Variants in ATXN1 observed in about 807,000 individuals in gnomAD.
The protein encoded by ATXN1 is ataxin 1.
A neutral mutation model predicts 56.4 loss-of-function variants in ATXN1; 8 were observed. The observed-to-expected ratio is 0.14, with a 90% confidence interval of 0.08 to 0.26. The LOEUF is 0.26. Ranked by LOEUF, ATXN1 falls within the 10% of genes least tolerant of loss-of-function variation. The probability of loss-of-function intolerance (pLI) is 1.00; values close to 1 mark genes in which losing one functional copy is unlikely to be tolerated. For synonymous variants in ATXN1, 514 were observed against 494.6 expected, an observed-to-expected ratio of 1.04 and a Z score of -0.52; for missense variants, 987 against 1,106.5, an observed-to-expected ratio of 0.89 and a Z score of 1.53.
At chr6:16,611,487 C>T (rs1052750532) in intron 3 of ATXN1, among the ~76,000 whole-genome samples, 2 of 152,090 alleles carry the variant, frequency 1.3e-5, no homozygotes, top group Non-Finnish European at 2.9e-5. Context: ...GGTATTAATT[C>T]GTTTTGAAAA....
intron 6 of ATXN1, among the ~76,000 whole-genome samples, chr6:16,454,801 A>G (rs1759832179): frequency 6.6e-6 from 1 of 152,240 alleles, no homozygotes; most frequent in African/African-American, 2.4e-5. Flanking sequence ...AGACAGCAAA[A>G]CCAAGAAATT....
At chr6:16,471,861 C>T (rs1271828898) in intron 6 of ATXN1, among the ~76,000 whole-genome samples, 2 of 152,148 alleles carry the variant, frequency 1.3e-5, no homozygotes, top group Non-Finnish European at 1.5e-5. Flanking sequence ...CATCAATCTC[C>T]GCACCATCTG....
At chr6:16,394,201 A>G (rs942851423) in intron 6 of ATXN1, among the ~76,000 whole-genome samples, 4 of 151,790 alleles carry the variant, frequency 2.6e-5, no homozygotes, top group African/African-American at 9.7e-5. Context: ...GGCAACCCTC[A>G]CCTCAACCTG....
Position 16,328,971 on chromosome 6 carries a change from C to T in ATXN1, c.-160-501G>A, listed in dbSNP as rs1031208102. 2.6e-5 allele frequency among the ~76,000 whole-genome samples: 4 copies of T among 152,008 alleles called. No individual in the cohort carries two copies. Among genetic ancestry groups the T allele is most frequent in the South Asian group, 2.1e-4 (1 of 4,818 alleles). ...CAACAACAAAAACAAAAACACTAGC[C>T]GTGGCAGCTGCACATTATAAAGGAA... is the stretch of plus-strand genomic sequence containing the variant. On this transcript the variant is annotated intron_variant, in intron 6 of 7. Coordinates refer to ENST00000436367, the MANE Select transcript of ATXN1 (RefSeq NM_001128164.2). This position sits in a 1 kb window ranked among gnomAD's most constrained non-coding sequence, Gnocchi z 6.2.
At position 16,378,629 on chromosome 6, in the gene ATXN1, G is replaced by A. The variant is rs12527059; in HGVS notation, c.-160-50159C>T. Among the ~76,000 whole-genome samples, 1,267 of 152,028 alleles carry A rather than the reference G, an allele frequency of 8.3e-3. 24 individuals carry two copies. Among genetic ancestry groups the A allele is most frequent in the East Asian group, 0.072 (372 of 5,178 alleles). On this transcript the variant is annotated intron_variant, in intron 6 of 7. Transcript: ENST00000436367. ...GGCTGGAGTGCAGTGGTGCAATCAC[G>A]GCTCACCGCAGCCTTGACTGCCCTG...
At chr6:16,355,716 C>A (rs925059860) in intron 6 of ATXN1, among the ~76,000 whole-genome samples, 3 of 152,210 alleles carry the variant, frequency 2.0e-5, no homozygotes, top group Non-Finnish European at 4.4e-5. Context: ...CATGCGCCAC[C>A]ACGCCCGGCT....
intron 6 of ATXN1, among the ~76,000 whole-genome samples, chr6:16,372,528 T>C (rs998848373): frequency 1.1e-4 from 16 of 152,340 alleles, no homozygotes; most frequent in African/African-American, 3.4e-4. Context: ...TTGGTAATGG[T>C]TGGCAATAAC....
intron 2 of ATXN1, among the ~76,000 whole-genome samples, chr6:16,671,133 C>A (rs1758531361): frequency 6.6e-6 from 1 of 152,126 alleles, no homozygotes; most frequent in Non-Finnish European, 1.5e-5. Flanking sequence ...TAAGATGATG[C>A]CATAATTGTC....
intron 6 of ATXN1, among the ~76,000 whole-genome samples, chr6:16,373,737 C>T (rs182050450): frequency 5.9e-4 from 90 of 152,272 alleles, no homozygotes; most frequent in South Asian, 5.0e-3. Context: ...CCATGTAAGA[C>T]ATGCCTTTTG....
intron 4 of ATXN1, among the ~76,000 whole-genome samples, chr6:16,531,116 C>G (rs1378255609): frequency 1.3e-5 from 2 of 152,304 alleles, no homozygotes; most frequent in Non-Finnish European, 2.9e-5. Context: ...CTTAGCAAAG[C>G]TGCATCTCTG....
At chr6:16,390,724 T>C (rs773295780) in intron 6 of ATXN1, among the ~76,000 whole-genome samples, 6 of 148,524 alleles carry the variant, frequency 4.0e-5, no homozygotes, top group Non-Finnish European at 7.4e-5. Flanking sequence ...ACACAAGCAA[T>C]GAAGATGGAA....
At chr6:16,313,995 C>T (rs1408138858) in intron 7 of ATXN1, among the ~76,000 whole-genome samples, 3 of 152,276 alleles carry the variant, frequency 2.0e-5, no homozygotes, top group South Asian at 2.1e-4. Context: ...TGTCACCCTG[C>T]GAAAAGATGC....
At chr6:16,722,771 C>T (rs1759770673) in intron 2 of ATXN1, among the ~76,000 whole-genome samples, 1 of 152,164 alleles carries the variant, frequency 6.6e-6, no homozygotes, top group South Asian at 2.1e-4. Flanking sequence ...GGTGTAGTTA[C>T]TCAGGTTCTT....
chr6:16,387,400 CT>C (rs1299822281), intron 6 of ATXN1, among the ~76,000 whole-genome samples: 1 of 152,196 alleles, frequency 6.6e-6, no homozygotes, highest in Non-Finnish European at 1.5e-5. Context: ...TGAAAGTTCA[CT>C]GTGGAAGACC....
rs140715913 is a variant in ATXN1 at position 16,373,426 on chromosome 6, G to C, written c.-160-44956C>G. ...AGACAAATGGCAGATGGAAACTTTT[G>C]ATCTGTCCCACACACGTGTCTTGGT... On this transcript the variant is annotated intron_variant, in intron 6 of 7. Coordinates refer to ENST00000436367, the MANE Select transcript of ATXN1 (RefSeq NM_001128164.2). 5.7e-3 allele frequency among the ~76,000 whole-genome samples: 869 copies of C among 152,242 alleles called. 21 individuals are homozygous for C. The highest frequency in any genetic ancestry group is 0.014 in the South Asian group (69 of 4,822).
intron 6 of ATXN1, among the ~76,000 whole-genome samples, chr6:16,449,584 C>T (rs941308635): frequency 8.5e-5 from 13 of 152,204 alleles, no homozygotes; most frequent in Admixed American, 7.2e-4. Context: ...AAGATTTAGG[C>T]TAGAGGAAGC....
chr6:16,308,572 CTT>C (rs1760314188), intron 7 of ATXN1, among the ~76,000 whole-genome samples: 1 of 152,188 alleles, frequency 6.6e-6, no homozygotes, highest in Admixed American at 6.5e-5. Context: ...GAGCCCCATT[CTT>C]TTGAGTTGTG....
chr6:16,626,865 CA>C (rs1299446799), intron 3 of ATXN1, among the ~76,000 whole-genome samples: 4 of 152,150 alleles, frequency 2.6e-5, no homozygotes, highest in South Asian at 2.1e-4. Context: ...CGAGAGGACA[CA>C]GGGGGAAGAT....
At chr6:16,595,136 G>T (rs558334622) in intron 3 of ATXN1, among the ~76,000 whole-genome samples, 1 of 152,296 alleles carries the variant, frequency 6.6e-6, no homozygotes, top group South Asian at 2.1e-4. Context: ...GTGAAATTGA[G>T]AGACTTCTTT....
Sources: gnomAD v4.1 joint callset for allele counts (sites outside exome capture counted in the v4.1 genomes callset) on GRCh38, gnomAD v4.1.1 for gene constraint, Gnocchi (gnomAD v3.1) non-coding constraint, MANE v1.5 for transcripts, NCBI Gene and HGNC (gene_info 2026-07-23, HGNC 2026-07-21) for gene names.